RBBP4: variants seen among roughly 807,000 people sequenced by gnomAD.
RBBP4 encodes the protein RB binding protein 4, chromatin remodeling factor, also known as histone-binding protein RBBP4.
A neutral mutation model predicts 57.2 loss-of-function variants in RBBP4; 3 were observed. That is an observed-to-expected ratio of 0.05 (90% CI 0.02 to 0.14). RBBP4 has a LOEUF of 0.14. Among genes scored for constraint, RBBP4 ranks in the 10% least tolerant of loss-of-function variants. The probability of loss-of-function intolerance (pLI) is 1.00; values close to 1 mark genes in which losing one functional copy is unlikely to be tolerated. For synonymous variants in RBBP4, 151 were observed against 171.5 expected, an observed-to-expected ratio of 0.88 and a Z score of 0.93; for missense variants, 107 against 520.6, an observed-to-expected ratio of 0.21 and a Z score of 7.73.
intron 11 of RBBP4, among the ~76,000 whole-genome samples, chr1:32,675,413 C>T (rs1411981081): frequency 6.6e-6 from 1 of 151,332 alleles, no homozygotes; most frequent in Non-Finnish European, 1.5e-5. Flanking sequence ...TACATCCATA[C>T]TTTTTTTTTC....
chr1:32,665,508 T>C (rs1224456501), intron 3 of RBBP4, among the ~76,000 whole-genome samples: 1 of 151,844 alleles, frequency 6.6e-6, no homozygotes, highest in Non-Finnish European at 1.5e-5. Flanking sequence ...TGAAACCCCG[T>C]CTCTACTAAA....
chr1:32,683,294 CTG>C lies in RBBP4; in HGVS notation c.*3593_*3594del, dbSNP rs1165899389. On this transcript the variant is annotated 3_prime_UTR_variant, in exon 12 of 12. Transcript: ENST00000373493. The stretch of plus-strand genomic sequence containing the variant: ...AAAAAAAAAAAAAAAAAGAGTAAGT[CTG>C]TGTAACATGAACATCTCTGCTTCCA... 2.0e-5 allele frequency: 3 copies of C among 149,134 alleles called. No homozygotes were observed. Among genetic ancestry groups the C allele is most frequent in the East Asian group, 3.9e-4 (2 of 5,092 alleles). The allele number at this position is 149,134 out of a possible 1,614,324, so 9.2% of individuals were successfully genotyped here.
At chr1:32,659,107 A>AAT (rs1044370829) in intron 3 of RBBP4, among the ~76,000 whole-genome samples, 1 of 145,760 alleles carries the variant, frequency 6.9e-6, no homozygotes, top group Non-Finnish European at 1.5e-5. Flanking sequence ...TATTGTGTGT[A>AAT]ATATATATAA....
chr1:32,681,689 T>C lies in RBBP4; in HGVS notation c.*1984T>C. The C allele has an allele frequency of 4.5e-6, 5 of 1,099,452 alleles. No individual in the cohort carries two copies. Among genetic ancestry groups the C allele is most frequent in the South Asian group, 2.8e-5 (2 of 72,524 alleles). 68.1% of individuals were successfully genotyped at this position (1,099,452 alleles called of 1,614,324 possible). A position where few individuals can be genotyped will look rare whatever the true frequency, so the allele number is the denominator to read the frequency against. ...TGCCTCCGGCCAACTCTAGAATCTT[T>C]TTAAGCAGGTCAGCCAGTATTTGCA... On this transcript the variant is annotated 3_prime_UTR_variant, in exon 12 of 12. Transcript: ENST00000373493.
chr1:32,672,732 G>T (rs747197109), intron 10 of RBBP4, 33 bp downstream of exon 10: 2 of 1,608,582 alleles, frequency 1.2e-6, no homozygotes, highest in South Asian at 2.2e-5. Context: ...TACTGAAATA[G>T]TCTGTAATTT....
intron 3 of RBBP4, among the ~76,000 whole-genome samples, chr1:32,663,846 G>A (rs942787308): frequency 5.3e-5 from 8 of 152,084 alleles, no homozygotes; most frequent in South Asian, 2.1e-4. Context: ...AAAGTGCTGC[G>A]ATTACAGGCT....
Position 32,668,104 on chromosome 1 carries a change from A to G in RBBP4, c.311-121A>G, listed in dbSNP as rs771226207. Reference sequence around the variant, plus strand: ...TATAGTGCTAGCAAATGTATAGATTACATCTAGTATTATGCCAGTTTGTTG... The same window carrying G: ...TATAGTGCTAGCAAATGTATAGATTGCATCTAGTATTATGCCAGTTTGTTG... On this transcript the variant is annotated intron_variant, in intron 3 of 11. Coordinates refer to ENST00000373493, the MANE Select transcript of RBBP4 (RefSeq NM_005610.3). 1.9e-4 allele frequency: 166 copies of G among 868,012 alleles called. No individual in the cohort carries two copies. The Middle Eastern group carries it at 3.7e-3, about 19-fold the overall frequency. 53.8% of individuals were successfully genotyped at this position (868,012 alleles called of 1,614,324 possible).
At position 32,680,012 on chromosome 1, in the gene RBBP4, T is replaced by G; in HGVS notation, c.*307T>G. 1 of 1,137,322 alleles carries G rather than the reference T, an allele frequency of 8.8e-7. No individual in the cohort carries two copies. The highest frequency in any genetic ancestry group is 1.1e-6 in the Non-Finnish European group (1 of 927,580). The allele number at this position is 1,137,322 out of a possible 1,614,324, so 70.5% of individuals were successfully genotyped here. ...TCTTCTTATGCTATATCCCCAAGTT[T>G]TTCAGACTCATTTAAGTAAAGGCTA... is the stretch of plus-strand genomic sequence containing the variant. On this transcript the variant is annotated 3_prime_UTR_variant, in exon 12 of 12. Coordinates refer to ENST00000373493, the MANE Select transcript of RBBP4 (RefSeq NM_005610.3).
intron 3 of RBBP4, among the ~76,000 whole-genome samples, chr1:32,667,054 CTG>C (rs1222326089): frequency 6.6e-6 from 1 of 152,184 alleles, no homozygotes; most frequent in Non-Finnish European, 1.5e-5. Context: ...ACTTAGCAGA[CTG>C]TGAAAGGGAG....
In RBBP4 at chr1:32,680,366, T is replaced by TC. The variant is rs888179056; in HGVS notation, c.*661_*662insC. ...TTTTTTTTTGTTGTTGGTTTTTTTT[T>TC]TTTTTTTTTTAACTTGGGACCACCA... On this transcript the variant is annotated 3_prime_UTR_variant, in exon 12 of 12. Coordinates refer to ENST00000373493, the MANE Select transcript of RBBP4 (RefSeq NM_005610.3). 2.6e-6 allele frequency: 3 copies of TC among 1,136,648 alleles called. No homozygotes were observed. The highest frequency in any genetic ancestry group is 2.2e-6 in the Non-Finnish European group (2 of 922,252). The allele number at this position is 1,136,648 out of a possible 1,614,324, so 70.4% of individuals were successfully genotyped here.
At chr1:32,664,407 C>T (rs1051397398) in intron 3 of RBBP4, among the ~76,000 whole-genome samples, 5 of 152,086 alleles carry the variant, frequency 3.3e-5, no homozygotes, top group African/African-American at 1.2e-4. Flanking sequence ...GCTTCTCCTC[C>T]TTTGTTATTG....
At chr1:32,652,217 A>G (rs778330080) in intron 2 of RBBP4, 156 bp downstream of exon 2, 15 of 866,326 alleles carry the variant, frequency 1.7e-5, no homozygotes, top group Non-Finnish European at 1.2e-5. Context: ...GCAAAATAAC[A>G]AAATGATTTT....
chr1:32,659,282 C>A (rs1242438207), intron 3 of RBBP4, among the ~76,000 whole-genome samples: 1 of 151,620 alleles, frequency 6.6e-6, no homozygotes, highest in Non-Finnish European at 1.5e-5. Context: ...TTTCCCTGGC[C>A]GGGTGCGGTG....
At chr1:32,675,181 C>T (rs1649046265) in intron 11 of RBBP4, among the ~76,000 whole-genome samples, 2 of 151,918 alleles carry the variant, frequency 1.3e-5, no homozygotes, top group South Asian at 2.1e-4. Context: ...CAGGCATGCG[C>T]CACCACGCCT....
At chr1:32,663,678 G>A (rs183024945) in intron 3 of RBBP4, among the ~76,000 whole-genome samples, 50 of 151,934 alleles carry the variant, frequency 3.3e-4, no homozygotes, top group African/African-American at 1.0e-3. Context: ...CCAGGTTCAC[G>A]CCATTCTCCT....
chr1:32,674,731 A>ATT (rs554173834), intron 11 of RBBP4, among the ~76,000 whole-genome samples: 2 of 143,594 alleles, frequency 1.4e-5, no homozygotes. Flanking sequence ...TTTTTTTTTA[A>ATT]TTTTTTTTTT....
intron 2 of RBBP4, among the ~76,000 whole-genome samples, chr1:32,656,302 C>G (rs1648136317): frequency 6.6e-6 from 1 of 152,022 alleles, no homozygotes; most frequent in East Asian, 1.9e-4. Context: ...TCAAGCGATT[C>G]TTGTGCCTCA....
rs570926042 is a variant in RBBP4, at chr1:32,680,736, G to A, written c.*1031G>A. 1.1e-5 allele frequency: 6 copies of A among 548,336 alleles called. No homozygotes were observed. The South Asian group carries it at 1.8e-4, about 16-fold the overall frequency. The allele number at this position is 548,336 out of a possible 1,614,324, so 34.0% of individuals were successfully genotyped here. On this transcript the variant is annotated 3_prime_UTR_variant, in exon 12 of 12. Coordinates refer to ENST00000373493, the MANE Select transcript of RBBP4 (RefSeq NM_005610.3). ...TTCTAGAAGAGTCCTTCAGATGACA[G>A]TTGTTGTCCATGGTCTTTGACTATC... is the stretch of plus-strand genomic sequence containing the variant.
intron 11 of RBBP4, among the ~76,000 whole-genome samples, chr1:32,675,037 T>C (rs948290854): frequency 6.6e-6 from 1 of 151,606 alleles, no homozygotes; most frequent in East Asian, 1.9e-4. Context: ...GTGCCCGGCA[T>C]TTTTATTTTT....
Sources: gnomAD v4.1 joint callset for allele counts (sites outside exome capture counted in the v4.1 genomes callset) on GRCh38, gnomAD v4.1.1 for gene constraint, MANE v1.5 for transcripts, NCBI Gene and HGNC (gene_info 2026-07-23, HGNC 2026-07-21) for gene names.